Variants in NLGN1 observed in about 807,000 individuals in gnomAD.
NLGN1 encodes neuroligin 1.
Under a neutral mutation model 65.5 loss-of-function variants are expected in NLGN1, and 12 were observed. The ratio of observed to expected loss-of-function variants is 0.18; its 90% CI spans 0.12 to 0.30. NLGN1 has a LOEUF of 0.30. Ranked by LOEUF, NLGN1 falls within the 10% of genes least tolerant of loss-of-function variation. The pLI, the probability that NLGN1 is intolerant of heterozygous loss-of-function variation, is 1.00. For missense variants in NLGN1, 750 were observed against 1,007.1 expected (o/e 0.74, Z 3.46); for synonymous variants, 350 against 359.5 (o/e 0.97, Z 0.30).
intron 3 of NLGN1, among the ~76,000 whole-genome samples, chr3:173,754,024 C>CTTTTTTT (rs71162358): frequency 1.1e-4 from 13 of 121,602 alleles, no homozygotes; most frequent in East Asian, 2.4e-4. Flanking sequence ...TCTTTCTTTT[C>CTTTTTTT]TTTTTTTTTT....
intron 3 of NLGN1, among the ~76,000 whole-genome samples, chr3:173,634,642 G>A (rs542735031): frequency 1.3e-5 from 2 of 152,228 alleles, no homozygotes; most frequent in South Asian, 2.1e-4. Flanking sequence ...CCTTGAAAAT[G>A]TATTTTTAAA....
chr3:173,829,864 T>G (rs568957928), intron 4 of NLGN1, among the ~76,000 whole-genome samples: 2 of 152,062 alleles, frequency 1.3e-5, no homozygotes, highest in Admixed American at 1.3e-4. Flanking sequence ...AGCATAGCCA[T>G]GTCTAAAAGG....
chr3:173,578,489 T>A (rs193246550), intron 2 of NLGN1, among the ~76,000 whole-genome samples: 27 of 152,278 alleles, frequency 1.8e-4, no homozygotes, highest in African/African-American at 6.0e-4. Context: ...AACTAAAAAT[T>A]TCTCTTTCCA....
chr3:173,499,181 G>A (rs1730566423), intron 2 of NLGN1, among the ~76,000 whole-genome samples: 1 of 151,678 alleles, frequency 6.6e-6, no homozygotes, highest in South Asian at 2.1e-4. Flanking sequence ...GGTTTTTATG[G>A]TTTTAGGTCT....
chr3:174,165,206 A>T (rs1016920059), intron 4 of NLGN1, among the ~76,000 whole-genome samples: 10 of 151,716 alleles, frequency 6.6e-5, no homozygotes, highest in African/African-American at 2.4e-4. Context: ...CTCTTGTCTG[A>T]TTCCTCTGGC....
chr3:174,019,422 A>C (rs1727274233), intron 4 of NLGN1, among the ~76,000 whole-genome samples: 1 of 152,084 alleles, frequency 6.6e-6, no homozygotes, highest in Non-Finnish European at 1.5e-5. Context: ...CCATGTTATA[A>C]CAGTAAGAAG....
At chr3:173,846,149 C>A (rs1335871664) in intron 4 of NLGN1, among the ~76,000 whole-genome samples, 1 of 151,904 alleles carries the variant, frequency 6.6e-6, no homozygotes, top group Non-Finnish European at 1.5e-5. Context: ...AAGTATAATT[C>A]CTAAAACATG....
intron 2 of NLGN1, among the ~76,000 whole-genome samples, chr3:173,540,707 A>G (rs1307063426): frequency 3.9e-5 from 6 of 152,146 alleles, no homozygotes; most frequent in South Asian, 4.1e-4. Context: ...TGCAAGTTCT[A>G]TTGAAAAGCA....
chr3:173,487,552 C>A (rs891320324), intron 2 of NLGN1, among the ~76,000 whole-genome samples: 1 of 151,798 alleles, frequency 6.6e-6, no homozygotes, highest in African/African-American at 2.4e-5. Context: ...AGATATTAAC[C>A]TATCTATGTT....
At chr3:173,877,593 T>C (rs888120042) in intron 4 of NLGN1, among the ~76,000 whole-genome samples, 27 of 152,294 alleles carry the variant, frequency 1.8e-4, no homozygotes, top group Admixed American at 9.2e-4. Context: ...AAATAGGCTA[T>C]GGTTATGTAA....
At chr3:173,471,160 G>T (rs1725253942) in intron 2 of NLGN1, among the ~76,000 whole-genome samples, 1 of 152,088 alleles carries the variant, frequency 6.6e-6, no homozygotes, top group Admixed American at 6.6e-5. Context: ...TACTACTGTT[G>T]CCTCGGGTCA....
chr3:174,232,320 GC>G (rs1426703866), intron 4 of NLGN1, among the ~76,000 whole-genome samples: 7 of 152,196 alleles, frequency 4.6e-5, no homozygotes, highest in African/African-American at 1.7e-4. Context: ...GCAGGAACAG[GC>G]CATTTTCACT....
At chr3:174,291,030 AAAT>A (rs1360800465), downstream of NLGN1, among the ~76,000 whole-genome samples, 1 of 150,850 alleles carries the variant, frequency 6.6e-6, no homozygotes, top group Non-Finnish European at 1.5e-5. Flanking sequence ...ATAAAAGAAA[AAAT>A]AATTTTTTAA....
intron 1 of NLGN1, among the ~76,000 whole-genome samples, chr3:173,414,265 G>A (rs1482153608): frequency 6.6e-6 from 1 of 152,132 alleles, no homozygotes; most frequent in Non-Finnish European, 1.5e-5. Flanking sequence ...TGTGATAAAG[G>A]AGATATGTTA....
At chr3:173,431,838 T>C (rs2148746924) in intron 1 of NLGN1, among the ~76,000 whole-genome samples, 1 of 152,246 alleles carries the variant, frequency 6.6e-6, no homozygotes, top group Non-Finnish European at 1.5e-5. Context: ...TGCAGAATAG[T>C]TTCACTGCTC....
At chr3:173,608,262 G>A (rs1751706122) in intron 3 of NLGN1, among the ~76,000 whole-genome samples, 1 of 151,738 alleles carries the variant, frequency 6.6e-6, no homozygotes, top group Non-Finnish European at 1.5e-5. Flanking sequence ...TTTTTAATCT[G>A]TTTTTTAATA....
intron 4 of NLGN1, among the ~76,000 whole-genome samples, chr3:174,078,995 GGT>G (rs547909848): frequency 1.6e-4 from 23 of 145,842 alleles, no homozygotes; most frequent in Admixed American, 1.0e-3. Context: ...GTAATACAAC[GGT>G]GTGTGTGTGT....
At chr3:173,933,747 C>G (rs1443782561) in intron 4 of NLGN1, among the ~76,000 whole-genome samples, 4 of 152,084 alleles carry the variant, frequency 2.6e-5, no homozygotes, top group African/African-American at 9.7e-5. Flanking sequence ...AATTTAGACA[C>G]AAATCCCATT....
At chr3:173,807,874 AGTATGT>A (rs1162952621) in intron 4 of NLGN1, 42 bp downstream of exon 4, 1 of 1,576,600 alleles carries the variant, frequency 6.3e-7, no homozygotes, top group African/African-American at 1.4e-5. Flanking sequence ...GAATCCATGA[AGTATGT>A]GATGGTTTTG....
Sources: allele counts gnomAD v4.1 joint callset (sites outside exome capture counted in the v4.1 genomes callset), GRCh38; gene constraint gnomAD v4.1.1; transcripts MANE v1.5; gene names NCBI Gene and HGNC (gene_info 2026-07-23, HGNC 2026-07-21).